Variants in CACNA1E observed in about 807,000 individuals in gnomAD.
CACNA1E encodes the protein voltage-dependent R-type calcium channel subunit alpha-1E.
CACNA1E carries 40 observed loss-of-function variants against 259.2 expected under a neutral mutation model. The ratio of observed to expected loss-of-function variants is 0.15; its 90% CI spans 0.12 to 0.20. The LOEUF is 0.20. Ranked by LOEUF, CACNA1E falls within the 10% of genes least tolerant of loss-of-function variation. The probability of loss-of-function intolerance (pLI) is 1.00; values close to 1 mark genes in which losing one functional copy is unlikely to be tolerated. For missense variants in CACNA1E, 1,874 were observed against 3,040.1 expected (o/e 0.62, Z 9.02); for synonymous variants, 1,104 against 1,138.5 (o/e 0.97, Z 0.61).
intron 7 of CACNA1E, among the ~76,000 whole-genome samples, chr1:181,690,268 C>G (rs1282032860): frequency 2.6e-5 from 4 of 152,090 alleles, no homozygotes; most frequent in Non-Finnish European, 5.9e-5. Flanking sequence ...TCAGATTTGT[C>G]AAAGATCAGA....
At chr1:181,361,992 G>C (rs1197110422) in intron 1 of CACNA1E, among the ~76,000 whole-genome samples, 1 of 152,200 alleles carries the variant, frequency 6.6e-6, no homozygotes, top group African/African-American at 2.4e-5. Flanking sequence ...ATAATTACTA[G>C]GTTGCAGTCT....
intron 2 of CACNA1E, among the ~76,000 whole-genome samples, chr1:181,418,097 C>T (rs1446787541): frequency 6.6e-6 from 1 of 152,200 alleles, no homozygotes; most frequent in African/African-American, 2.4e-5. Context: ...TCGTGTCCAT[C>T]TTCCTTGACC....
Position 181,785,361 on chromosome 1 carries a change from C to T in CACNA1E, c.5622C>T (p.Ile1874=), listed in dbSNP as rs1322327625. 1 of 1,613,646 alleles carries T rather than the reference C, an allele frequency of 6.2e-7. No homozygotes were observed. Among genetic ancestry groups the T allele is most frequent in the Non-Finnish European group, 8.5e-7 (1 of 1,179,694 alleles). Residue 1874 remains isoleucine (I), a synonymous_variant, in exon 42 of 48, where the codon ATC becomes ATT. Coordinates refer to ENST00000367573, the MANE Select transcript of CACNA1E (RefSeq NM_001205293.3). The part of the protein sequence containing the change: ...TVGKIYAAMM[I]MDYYKQSKVK... ...GCAAAATCTATGCAGCAATGATGATCATGGACTACTATAAGCAGAGTAAGG... is the reference window on the plus strand; with the variant it reads ...GCAAAATCTATGCAGCAATGATGATTATGGACTACTATAAGCAGAGTAAGG...
chr1:181,712,572 G>A (rs1286669037), intron 8 of CACNA1E, among the ~76,000 whole-genome samples: 1 of 152,174 alleles, frequency 6.6e-6, no homozygotes, highest in Non-Finnish European at 1.5e-5. Context: ...ATTGCGATCT[G>A]CACTCCCTTG....
At position 181,763,406 on chromosome 1, in the gene CACNA1E, C is replaced by A. The variant is rs1209407121; in HGVS notation, c.4690C>A (p.Leu1564Met). 3 of 1,576,096 alleles carry A rather than the reference C, an allele frequency of 1.9e-6. No individual in the cohort carries two copies. The South Asian group carries it at 3.4e-5, about 18-fold the overall frequency. The part of the protein sequence containing the change: ...ITEIILTDSK[L>M]VNTSGFNMSF... ...TATATGTTTCCTTTTGGTCCACCAG[C>A]TGGTGAACACCAGTGGCTTCAATAT... is the stretch of plus-strand genomic sequence containing the variant. The change falls in exon 34 of 48, where the codon CTG (leucine) becomes ATG (methionine). Residue 1564 changes from leucine to methionine, a missense_variant and splice_region_variant. By Grantham distance (15) the Leu-to-Met change is conservative. Around this residue, in one of 14 missense-constraint regions of CACNA1E, gnomAD observed 188 missense variants for 540.6 expected, o/e 0.35. Transcript: ENST00000367573.
intron 2 of CACNA1E, among the ~76,000 whole-genome samples, chr1:181,448,323 C>A (rs963566382): frequency 2.0e-5 from 3 of 152,186 alleles, no homozygotes; most frequent in Admixed American, 6.5e-5. Flanking sequence ...TCTCAACAAC[C>A]AGATGAGATA....
chr1:181,450,657 G>A (rs12407220), intron 2 of CACNA1E, among the ~76,000 whole-genome samples: 14,217 of 152,196 alleles, frequency 0.093, 815 homozygotes, highest in South Asian at 0.19. Flanking sequence ...ACTAAAAAAC[G>A]AGATAATAAT....
intron 7 of CACNA1E, among the ~76,000 whole-genome samples, chr1:181,696,741 A>G (rs563414396): frequency 1.6e-4 from 24 of 152,320 alleles, no homozygotes; most frequent in African/African-American, 5.8e-4. Context: ...ATGTATTTTC[A>G]GATAAGAATG....
At chr1:181,545,505 C>A (rs1262829271) in intron 3 of CACNA1E, among the ~76,000 whole-genome samples, 6 of 152,148 alleles carry the variant, frequency 3.9e-5, no homozygotes, top group Non-Finnish European at 7.3e-5. Context: ...CTTGGAATCC[C>A]CCCACACTGA....
chr1:181,606,483 C>T (rs940578059), intron 6 of CACNA1E, among the ~76,000 whole-genome samples: 2 of 152,182 alleles, frequency 1.3e-5, no homozygotes, highest in Non-Finnish European at 2.9e-5. Context: ...TTACATCTAC[C>T]CTGACCTGGC....
intron 1 of CACNA1E, among the ~76,000 whole-genome samples, chr1:181,318,604 G>A (rs998429933): frequency 3.3e-5 from 5 of 152,204 alleles, no homozygotes; most frequent in African/African-American, 1.2e-4. Flanking sequence ...CTCCGGGCGC[G>A]GGCGGCTCAG....
In CACNA1E at chr1:181,800,584, G is replaced by C. The variant is rs911319837; in HGVS notation, c.*1750G>C. 1 of 152,594 alleles carries C rather than the reference G, an allele frequency of 6.6e-6. No individual in the cohort carries two copies. Among genetic ancestry groups the C allele is most frequent in the Admixed American group, 6.5e-5 (1 of 15,278 alleles). The allele number at this position is 152,594 out of a possible 1,614,324, so 9.5% of individuals were successfully genotyped here. A position where few individuals can be genotyped will look rare whatever the true frequency, so the allele number is the denominator to read the frequency against. On this transcript the variant is annotated 3_prime_UTR_variant, in exon 48 of 48. Coordinates refer to ENST00000367573, the MANE Select transcript of CACNA1E (RefSeq NM_001205293.3). ...GGCCCTCCTTCCCCCACCAGGAACA[G>C]ATGGAACCTGCCACCCAGGATCCTG... is the stretch of plus-strand genomic sequence containing the variant.
chr1:181,583,579 C>T (rs1156566616), intron 6 of CACNA1E, among the ~76,000 whole-genome samples: 2 of 152,188 alleles, frequency 1.3e-5, no homozygotes, highest in African/African-American at 4.8e-5. Context: ...AAATGCTTCC[C>T]TCATGTTTGC....
At chr1:181,368,772 A>G (rs549555339) in intron 1 of CACNA1E, among the ~76,000 whole-genome samples, 2 of 152,314 alleles carry the variant, frequency 1.3e-5, no homozygotes, top group Admixed American at 6.5e-5. Flanking sequence ...TTTGGTGTTT[A>G]TTTATACTGA....
At chr1:181,430,299 A>T (rs1008519548) in intron 2 of CACNA1E, among the ~76,000 whole-genome samples, 6 of 152,208 alleles carry the variant, frequency 3.9e-5, no homozygotes, top group African/African-American at 1.4e-4. Context: ...AAAGTTTAAT[A>T]AGCAAAAGAA....
At chr1:181,743,081 C>T (rs190718640) in intron 25 of CACNA1E, among the ~76,000 whole-genome samples, 3 of 152,312 alleles carry the variant, frequency 2.0e-5, no homozygotes, top group East Asian at 1.9e-4. Flanking sequence ...AGGTCTCCTT[C>T]CTTAAGCCCA....
chr1:181,537,269 TTG>T (rs1196073889), intron 3 of CACNA1E, among the ~76,000 whole-genome samples: 1 of 151,796 alleles, frequency 6.6e-6, no homozygotes, highest in Non-Finnish European at 1.5e-5. Context: ...CTGGCTAATT[TTG>T]TGTTTTTAGT....
At chr1:181,501,613 T>C (rs999709296) in intron 1 of CACNA1E, among the ~76,000 whole-genome samples, 14 of 152,234 alleles carry the variant, frequency 9.2e-5, no homozygotes, top group Admixed American at 2.6e-4. Flanking sequence ...TGGGGAGTTC[T>C]CTGCCTCTTT....
At chr1:181,561,803 A>G (rs1417486840) in intron 3 of CACNA1E, among the ~76,000 whole-genome samples, 1 of 152,154 alleles carries the variant, frequency 6.6e-6, no homozygotes, top group Admixed American at 6.5e-5. Context: ...GAGCTGCCAA[A>G]CTGTTTTCCA....
Sources: gnomAD v4.1 joint callset for allele counts (sites outside exome capture counted in the v4.1 genomes callset) on GRCh38, gnomAD v4.1.1 for gene constraint, gnomAD v4.1.1 regional missense constraint, MANE v1.5 for transcripts, NCBI Gene and HGNC (gene_info 2026-07-23, HGNC 2026-07-21) for gene names.